Variants in AP3B1 observed in about 807,000 individuals in gnomAD.
AP3B1 encodes AP-3 complex subunit beta-1.
AP3B1 carries 61 observed loss-of-function variants against 132.5 expected under a neutral mutation model. The observed-to-expected ratio is 0.46, with a 90% CI of 0.37 to 0.57. The LOEUF is 0.57. AP3B1 is among the 20% of genes least tolerant of loss of function. AP3B1 has a pLI of 0.00. For synonymous variants in AP3B1, 388 were observed against 438.3 expected, an observed-to-expected ratio of 0.89 and a Z score of 1.43; for missense variants, 1,120 against 1,289.4, an observed-to-expected ratio of 0.87 and a Z score of 2.01.
chr5:78,269,101 T>C lies in AP3B1; in HGVS notation c.129-1506A>G, dbSNP rs778703758. 5.3e-4 allele frequency among the ~76,000 whole-genome samples: 81 copies of C among 152,346 alleles called. 2 individuals carry two copies. The South Asian group carries it at 0.016, about 31-fold the overall frequency. ...TTACGTAGATTCAAATATGATCAGT[T>C]AACATGTATTACTGCATAAATCTTA... is the stretch of plus-strand genomic sequence containing the variant. On this transcript the variant is annotated intron_variant, in intron 1 of 26. Transcript: ENST00000255194.
chr5:78,165,679 TAGAGA>T lies in AP3B1; in HGVS notation c.1168-12_1168-8del, dbSNP rs1743586464. On this transcript the variant is annotated splice_polypyrimidine_tract_variant and splice_region_variant and intron_variant, in intron 11 of 26. Coordinates refer to ENST00000255194, the MANE Select transcript of AP3B1 (RefSeq NM_003664.5). Reference sequence around the variant, plus strand: ...AGTTTGTCAAAATTTCAAGCTATAGTAGAGAAAAGAGAAAGTAAACATTTTAAAAC... The same window carrying T: ...AGTTTGTCAAAATTTCAAGCTATAGTAAAGAGAAAGTAAACATTTTAAAAC... The T allele has an allele frequency of 5.1e-6, 8 of 1,579,458 alleles. No homozygotes were observed. Among genetic ancestry groups the T allele is most frequent in the African/African-American group, 2.7e-5 (2 of 74,268 alleles).
At chr5:78,098,649 C>T (rs1751001361) in intron 21 of AP3B1, among the ~76,000 whole-genome samples, 1 of 152,158 alleles carries the variant, frequency 6.6e-6, no homozygotes, top group Admixed American at 6.5e-5. Flanking sequence ...AGTCCTACAT[C>T]ACAAGGAGGC....
chr5:78,125,353 A>G (rs1752413556), intron 17 of AP3B1, among the ~76,000 whole-genome samples: 1 of 152,168 alleles, frequency 6.6e-6, no homozygotes, highest in African/African-American at 2.4e-5. Context: ...TGATTAAAAT[A>G]TCAGATTATC....
chr5:78,164,167 ACTTAT>A (rs1743513840), intron 12 of AP3B1, among the ~76,000 whole-genome samples: 1 of 152,112 alleles, frequency 6.6e-6, no homozygotes, highest in South Asian at 2.1e-4. Flanking sequence ...AAAAATATGA[ACTTAT>A]GAGTCTTTAG....
At chr5:78,211,225 T>C (rs1015779303) in intron 7 of AP3B1, among the ~76,000 whole-genome samples, 4 of 152,192 alleles carry the variant, frequency 2.6e-5, no homozygotes, top group African/African-American at 7.2e-5. Flanking sequence ...ATCGGTCTTC[T>C]CCCTGACAGC....
intron 22 of AP3B1, among the ~76,000 whole-genome samples, chr5:78,065,420 C>A (rs1415163364): frequency 6.6e-6 from 1 of 152,146 alleles, no homozygotes; most frequent in Non-Finnish European, 1.5e-5. Context: ...CCACCGAGCT[C>A]CCGGGCAAGG....
chr5:78,223,310 TA>T (rs967073654), intron 6 of AP3B1, among the ~76,000 whole-genome samples: 9 of 151,840 alleles, frequency 5.9e-5, no homozygotes, highest in East Asian at 3.9e-4. Flanking sequence ...TATTCTTAAT[TA>T]AAAAAAATAA....
chr5:78,005,151 T>G (rs1580228404), intron 26 of AP3B1, among the ~76,000 whole-genome samples: 1 of 152,244 alleles, frequency 6.6e-6, no homozygotes, highest in Admixed American at 6.5e-5. Context: ...GATTCGGTCA[T>G]CACGTGTGTA....
chr5:78,272,941 T>C (rs1748609104), intron 1 of AP3B1, among the ~76,000 whole-genome samples: 1 of 148,520 alleles, frequency 6.7e-6, no homozygotes, highest in African/African-American at 2.4e-5. Flanking sequence ...GGGACTTCCA[T>C]ATCTGTCCAT....
chr5:78,269,118 T>A (rs1239471635), intron 1 of AP3B1, among the ~76,000 whole-genome samples: 1 of 152,224 alleles, frequency 6.6e-6, no homozygotes, highest in Non-Finnish European at 1.5e-5. Context: ...TATTACTGCA[T>A]AAATCTTAGA....
Position 78,067,112 on chromosome 5 carries a change from T to C in AP3B1, c.2577+22281A>G, listed in dbSNP as rs181260043. Among the ~76,000 whole-genome samples, 583 of 152,060 alleles carry C rather than the reference T, an allele frequency of 3.8e-3. 3 individuals carry two copies. The highest frequency in any genetic ancestry group is 6.3e-3 in the Non-Finnish European group (427 of 67,978). Reference sequence around the variant, plus strand: ...AATGAAAAGCAGAAAAAAGCAGGGGTTGAAATCCTACTTTCTGACAAAACA... The same window carrying C: ...AATGAAAAGCAGAAAAAAGCAGGGGCTGAAATCCTACTTTCTGACAAAACA... On this transcript the variant is annotated intron_variant, in intron 22 of 26. Transcript: ENST00000255194.
At chr5:78,136,424 T>C (rs74834144) in intron 15 of AP3B1, among the ~76,000 whole-genome samples, 1,859 of 152,270 alleles carry the variant, frequency 0.012, 12 homozygotes, top group Non-Finnish European at 0.019. Flanking sequence ...CTGCAAGAAA[T>C]ACTAGGTGAA....
chr5:78,070,591 A>C lies in AP3B1; in HGVS notation c.2577+18802T>G, dbSNP rs1235337905. Among the ~76,000 whole-genome samples the C allele has an allele frequency of 2.0e-5, 3 of 152,150 alleles. 1 individual carries two copies. Among genetic ancestry groups the C allele is most frequent in the Middle Eastern group, 6.3e-3 (2 of 316 alleles). On this transcript the variant is annotated intron_variant, in intron 22 of 26. Transcript: ENST00000255194. Reference sequence around the variant, plus strand: ...TAATTAAACTAAAGAGCTTCTGCACAGCAAAAGAAACTATCATCAGGGTGA... The same window carrying C: ...TAATTAAACTAAAGAGCTTCTGCACCGCAAAAGAAACTATCATCAGGGTGA...
At chr5:78,019,792 G>A (rs1000929422) in intron 25 of AP3B1, among the ~76,000 whole-genome samples, 18 of 152,054 alleles carry the variant, frequency 1.2e-4, no homozygotes, top group African/African-American at 3.6e-4. Context: ...CAGGAAGCGT[G>A]CCCCTCTTCT....
intron 22 of AP3B1, among the ~76,000 whole-genome samples, chr5:78,076,738 T>C (rs957723085): frequency 6.6e-6 from 1 of 152,152 alleles, no homozygotes; most frequent in African/African-American, 2.4e-5. Context: ...CAATCAAGGC[T>C]ATATGATGAA....
intron 7 of AP3B1, among the ~76,000 whole-genome samples, chr5:78,202,489 G>C (rs540115147): frequency 6.6e-6 from 1 of 151,582 alleles, no homozygotes; most frequent in African/African-American, 2.4e-5. Flanking sequence ...TCTCTTCTCT[G>C]ATCCACACAT....
At chr5:78,118,587 G>C (rs954874950) in intron 17 of AP3B1, among the ~76,000 whole-genome samples, 3 of 152,228 alleles carry the variant, frequency 2.0e-5, no homozygotes, top group African/African-American at 7.2e-5. Flanking sequence ...TAGCACAGCA[G>C]TCTGAGACCA....
chr5:78,087,723 C>G, intron 22 of AP3B1: 1 of 982,686 alleles, frequency 1.0e-6, no homozygotes, highest in Non-Finnish European at 1.2e-6. Context: ...GTGAGTCTGT[C>G]AATTACTTTG....
chr5:78,168,513 T>G (rs1743759365), intron 11 of AP3B1, among the ~76,000 whole-genome samples: 1 of 152,116 alleles, frequency 6.6e-6, no homozygotes, highest in African/African-American at 2.4e-5. Flanking sequence ...CATGAACCAC[T>G]GCATCCAGCT....
Sources: gnomAD v4.1 joint callset for allele counts (sites outside exome capture counted in the v4.1 genomes callset) on GRCh38, gnomAD v4.1.1 for gene constraint, MANE v1.5 for transcripts, NCBI Gene and HGNC (gene_info 2026-07-23, HGNC 2026-07-21) for gene names.